The following ST8SIA4 variants were observed in gnomAD, a reference collection of about 807,000 sequenced individuals.
The protein encoded by ST8SIA4 is CMP-N-acetylneuraminate-poly-alpha-2,8-sialyltransferase.
A neutral mutation model predicts 33.9 loss-of-function variants in ST8SIA4; 15 were observed. The ratio of observed to expected loss-of-function variants is 0.44; its 90% CI spans 0.30 to 0.68. The LOEUF (loss-of-function observed/expected upper bound fraction) is 0.68. Ranked by LOEUF, ST8SIA4 falls within the 30% of genes least tolerant of loss-of-function variation. The pLI is 0.10. For missense variants in ST8SIA4, 321 were observed against 428.0 expected, an observed-to-expected ratio of 0.75 and a Z score of 2.21; for synonymous variants, 171 against 151.2, an observed-to-expected ratio of 1.13 and a Z score of -0.96.
At chr5:100,899,767 T>C (rs1310433442) in intron 1 of ST8SIA4, among the ~76,000 whole-genome samples, 1 of 152,236 alleles carries the variant, frequency 6.6e-6, no homozygotes, top group Non-Finnish European at 1.5e-5. Context: ...TTTCCAGTTA[T>C]ACCCAAAAGT....
chr5:100,843,956 T>C (rs550365369), intron 4 of ST8SIA4, among the ~76,000 whole-genome samples: 30 of 152,022 alleles, frequency 2.0e-4, no homozygotes, highest in African/African-American at 5.8e-4. Flanking sequence ...GTGGTGCTCA[T>C]TGAGACGTAA....
chr5:100,860,401 G>A (rs951821295), intron 3 of ST8SIA4, among the ~76,000 whole-genome samples: 1 of 152,046 alleles, frequency 6.6e-6, no homozygotes, highest in African/African-American at 2.4e-5. Context: ...TATTGATCCC[G>A]TTTGCTCCCA....
chr5:100,870,353 T>A (rs1452274050), intron 3 of ST8SIA4, among the ~76,000 whole-genome samples: 2 of 152,152 alleles, frequency 1.3e-5, no homozygotes, highest in African/African-American at 4.8e-5. Flanking sequence ...TGCTTCAGAT[T>A]CCTCTTCGTC....
intron 3 of ST8SIA4, among the ~76,000 whole-genome samples, chr5:100,857,606 C>A (rs887324472): frequency 2.5e-4 from 38 of 151,904 alleles, no homozygotes; most frequent in Non-Finnish European, 2.5e-4. Flanking sequence ...TGTTTGGCTA[C>A]ATTATGAAAG....
intron 4 of ST8SIA4, chr5:100,849,413 G>C: frequency 1.0e-6 from 1 of 985,348 alleles, no homozygotes; most frequent in Non-Finnish European, 1.2e-6. Flanking sequence ...TTCTTAGTTA[G>C]AATTGTTCAA....
rs149175398 is a variant in ST8SIA4, at chr5:100,859,837, A to T, written c.504-3441T>A. ...GGCCATTATTCTCTGCAGTTAAATG[A>T]TACTTCAACAATGTATGCAACTAGG... is the stretch of plus-strand genomic sequence containing the variant. On this transcript the variant is annotated intron_variant, in intron 3 of 4. Coordinates refer to ENST00000231461, the MANE Select transcript of ST8SIA4 (RefSeq NM_005668.6). 2.0e-4 allele frequency among the ~76,000 whole-genome samples: 30 copies of T among 152,234 alleles called. No individual in the cohort carries two copies. In the East Asian group the frequency reaches 5.8e-3, roughly 29 times the overall value.
At chr5:100,815,143 C>T (rs1353482048) in intron 4 of ST8SIA4, among the ~76,000 whole-genome samples, 1 of 150,708 alleles carries the variant, frequency 6.6e-6, no homozygotes, top group Admixed American at 6.6e-5. Context: ...AGTTTATATA[C>T]ATGTATTTCT....
intron 3 of ST8SIA4, among the ~76,000 whole-genome samples, chr5:100,883,137 T>C (rs1752463211): frequency 1.3e-5 from 2 of 152,184 alleles, no homozygotes; most frequent in Middle Eastern, 3.4e-3. Context: ...TGAAAGAAAC[T>C]GGATGGAAGA....
intron 4 of ST8SIA4, among the ~76,000 whole-genome samples, chr5:100,848,515 T>A (rs1301335819): frequency 6.7e-6 from 1 of 150,056 alleles, no homozygotes; most frequent in Non-Finnish European, 1.5e-5. Context: ...GTATAGTATA[T>A]ATAGAGACAG....
intron 4 of ST8SIA4, among the ~76,000 whole-genome samples, chr5:100,833,465 T>C (rs913908395): frequency 6.6e-6 from 1 of 152,124 alleles, no homozygotes; most frequent in Admixed American, 6.5e-5. Context: ...TGAGAGGAAG[T>C]AGGAAACTTA....
At chr5:100,894,564 A>G (rs1377733297) in intron 2 of ST8SIA4, among the ~76,000 whole-genome samples, 1 of 152,130 alleles carries the variant, frequency 6.6e-6, no homozygotes, top group African/African-American at 2.4e-5. Context: ...CTATTCCTAC[A>G]TCGCCCTGAT....
rs1750822046 is a variant in ST8SIA4, at chr5:100,811,805, T to C, written c.*42A>G. 1.9e-6 allele frequency: 3 copies of C among 1,545,534 alleles called. No homozygotes were observed. The highest frequency in any genetic ancestry group is 2.5e-5 in the South Asian group (2 of 79,086). Reference sequence around the variant, plus strand: ...TCCTATTTTCAAATCTTCGGAAGCATCTTCAGAAAAGAAGTGCATATTGTT... The same window carrying C: ...TCCTATTTTCAAATCTTCGGAAGCACCTTCAGAAAAGAAGTGCATATTGTT... On this transcript the variant is annotated 3_prime_UTR_variant, in exon 5 of 5. Coordinates refer to ENST00000231461, the MANE Select transcript of ST8SIA4 (RefSeq NM_005668.6).
chr5:100,900,902 C>A (rs1752895230), intron 1 of ST8SIA4, among the ~76,000 whole-genome samples: 1 of 152,150 alleles, frequency 6.6e-6, no homozygotes, highest in Non-Finnish European at 1.5e-5. Context: ...AACCCCGGTG[C>A]GCGCCTCTCT....
intron 4 of ST8SIA4, among the ~76,000 whole-genome samples, chr5:100,848,692 A>G (rs1751620742): frequency 6.6e-6 from 1 of 150,500 alleles, no homozygotes; most frequent in Non-Finnish European, 1.5e-5. Context: ...TTTTTCATAT[A>G]TATAACAAAT....
Position 100,810,144 on chromosome 5 carries a change from CT to C in ST8SIA4, c.*1702del, listed in dbSNP as rs1750785268. The C allele has an allele frequency of 6.6e-6, 1 of 152,142 alleles. No individual in the cohort carries two copies. Among genetic ancestry groups the C allele is most frequent in the South Asian group, 2.1e-4 (1 of 4,834 alleles). The allele number at this position is 152,142 out of a possible 1,614,324, so 9.4% of individuals were successfully genotyped here. A position where few individuals can be genotyped will look rare whatever the true frequency, so the allele number is the denominator to read the frequency against. On this transcript the variant is annotated 3_prime_UTR_variant, in exon 5 of 5. Coordinates refer to ENST00000231461, the MANE Select transcript of ST8SIA4 (RefSeq NM_005668.6). Reference sequence around the variant, plus strand: ...GCCCAGTTTCTAAAGAAACAATCTACTATCATAAGTTACCAGAAAACTGGCC... The same window carrying C: ...GCCCAGTTTCTAAAGAAACAATCTACATCATAAGTTACCAGAAAACTGGCC...
At chr5:100,826,308 T>C (rs2112409556) in intron 4 of ST8SIA4, among the ~76,000 whole-genome samples, 1 of 152,304 alleles carries the variant, frequency 6.6e-6, no homozygotes, top group East Asian at 1.9e-4. Flanking sequence ...TTGCTCCTTT[T>C]CAAACAGAAG....
intron 4 of ST8SIA4, among the ~76,000 whole-genome samples, chr5:100,838,224 G>A (rs1442003163): frequency 6.6e-6 from 1 of 151,994 alleles, no homozygotes; most frequent in Non-Finnish European, 1.5e-5. Context: ...AGGACTGCCA[G>A]ATATTCTGAT....
intron 3 of ST8SIA4, 119 bp from the exon 4 acceptor site, chr5:100,856,515 CA>C (rs1395763678): frequency 1.1e-6 from 1 of 936,694 alleles, no homozygotes; most frequent in African/African-American, 1.7e-5. Flanking sequence ...AAAAGAAAAC[CA>C]AAAGATCATC....
At chr5:100,870,564 C>A (rs1008081501) in intron 3 of ST8SIA4, among the ~76,000 whole-genome samples, 9 of 151,982 alleles carry the variant, frequency 5.9e-5, no homozygotes, top group African/African-American at 1.9e-4. Flanking sequence ...TATGAAAAAT[C>A]GTTTACAATC....
Sources: allele counts gnomAD v4.1 joint callset (sites outside exome capture counted in the v4.1 genomes callset), GRCh38; gene constraint gnomAD v4.1.1; transcripts MANE v1.5; gene names NCBI Gene and HGNC (gene_info 2026-07-23, HGNC 2026-07-21).